The following DLG2 variants were observed in gnomAD, a reference collection of about 807,000 sequenced individuals.
The protein encoded by DLG2 is discs large MAGUK scaffold protein 2.
DLG2 carries 45 observed loss-of-function variants against 132.5 expected under a neutral mutation model. That is an observed-to-expected ratio of 0.34 (90% CI 0.27 to 0.44). The LOEUF (loss-of-function observed/expected upper bound fraction) is 0.44, where lower values mean the gene tolerates loss of function less well. Ranked by LOEUF, DLG2 falls within the 20% of genes least tolerant of loss-of-function variation. The pLI, the probability that DLG2 is intolerant of heterozygous loss-of-function variation, is 1.00. For synonymous variants in DLG2, 424 were observed against 419.6 expected, an observed-to-expected ratio of 1.01 and a Z score of -0.13; for missense variants, 1,045 against 1,196.9, an observed-to-expected ratio of 0.87 and a Z score of 1.87.
At chr11:83,873,005 CTTCA>C (rs1346379510) in intron 16 of DLG2, among the ~76,000 whole-genome samples, 1 of 152,046 alleles carries the variant, frequency 6.6e-6, no homozygotes, top group Non-Finnish European at 1.5e-5. Flanking sequence ...CATTCTAGTT[CTTCA>C]TTATTTTTTT....
At chr11:84,948,494 G>T (rs1266091759) in intron 6 of DLG2, among the ~76,000 whole-genome samples, 2 of 152,172 alleles carry the variant, frequency 1.3e-5, no homozygotes, top group African/African-American at 4.8e-5. Flanking sequence ...TCTTCAATTT[G>T]CTAATCTCAA....
chr11:85,420,416 G>C (rs1397418015), intron 3 of DLG2, among the ~76,000 whole-genome samples: 4 of 152,132 alleles, frequency 2.6e-5, no homozygotes, highest in Non-Finnish European at 4.4e-5. Context: ...GGGGGTCAGG[G>C]ACCCACTCGA....
At chr11:84,218,197 G>GGAAAGGAAGGAAGGAAGGAAA (rs898571899) in intron 8 of DLG2, among the ~76,000 whole-genome samples, 9 of 139,362 alleles carry the variant, frequency 6.5e-5, no homozygotes, top group Non-Finnish European at 1.2e-4. Flanking sequence ...AAACAAAGAA[G>GGAAAGGAAGGAAGGAAGGAAA]GAAAGGAAGG....
chr11:85,600,330 A>G (rs1565742676), intron 2 of DLG2, among the ~76,000 whole-genome samples: 1 of 152,226 alleles, frequency 6.6e-6, no homozygotes, highest in Admixed American at 6.5e-5. Flanking sequence ...TCAATTATCA[A>G]TCATTTCATT....
intron 3 of DLG2, among the ~76,000 whole-genome samples, chr11:85,368,932 G>C (rs2084761704): frequency 6.6e-6 from 1 of 152,186 alleles, no homozygotes; most frequent in African/African-American, 2.4e-5. Flanking sequence ...AAGCACTCTA[G>C]TGGAGGTACT....
intron 7 of DLG2, among the ~76,000 whole-genome samples, chr11:84,269,387 T>G (rs1002293655): frequency 2.0e-5 from 3 of 152,252 alleles, no homozygotes; most frequent in Admixed American, 6.5e-5. Flanking sequence ...TTTCCTCCAC[T>G]TGGAATGTCC....
At chr11:84,534,542 A>G in intron 7 of DLG2, 28 bp downstream of exon 7, 9 of 1,607,200 alleles carry the variant, frequency 5.6e-6, no homozygotes, top group South Asian at 1.1e-5. Context: ...GTCACCAACT[A>G]TAAAGTCGGA....
intron 3 of DLG2, among the ~76,000 whole-genome samples, chr11:85,330,791 T>TTAAAAAAAAAAAAAAAAAAAAAAA (rs1565332845): frequency 1.4e-5 from 1 of 69,096 alleles, no homozygotes. Flanking sequence ...AAAAAAAAAA[T>TTAAAAAAAAAAAAAAAAAAAAAAA]TAAAAAAAAA....
intron 20 of DLG2, among the ~76,000 whole-genome samples, chr11:83,534,225 C>G (rs910374052): frequency 6.6e-6 from 1 of 152,166 alleles, no homozygotes; most frequent in African/African-American, 2.4e-5. Context: ...ACTGCATATA[C>G]AGGGTTGTAT....
intron 3 of DLG2, among the ~76,000 whole-genome samples, chr11:85,299,884 T>C (rs2079479482): frequency 6.6e-6 from 1 of 152,204 alleles, no homozygotes; most frequent in South Asian, 2.1e-4. Context: ...AGTAGCTAAA[T>C]AGTGTTTTTT....
chr11:85,542,849 A>G (rs1179577956), intron 3 of DLG2, among the ~76,000 whole-genome samples: 2 of 152,374 alleles, frequency 1.3e-5, no homozygotes, highest in East Asian at 1.9e-4. Flanking sequence ...AGTCAATTAT[A>G]TCAATAAGAT....
intron 7 of DLG2, among the ~76,000 whole-genome samples, chr11:84,496,719 A>G (rs1447494929): frequency 6.6e-6 from 1 of 152,136 alleles, no homozygotes; most frequent in Non-Finnish European, 1.5e-5. Flanking sequence ...GTATTACATG[A>G]TTTCCAAAGC....
At chr11:84,890,765 T>A (rs1448990429) in intron 6 of DLG2, 1 of 152,292 alleles carries the variant, frequency 6.6e-6, no homozygotes, top group East Asian at 1.9e-4. Context: ...CTTTTCCATT[T>A]GGGCTGTGGC....
intron 6 of DLG2, among the ~76,000 whole-genome samples, chr11:84,839,094 C>G (rs2080230058): frequency 6.6e-6 from 1 of 151,998 alleles, no homozygotes; most frequent in Non-Finnish European, 1.5e-5. Flanking sequence ...TTAGAAAACC[C>G]CATCGTCTCA....
At chr11:85,263,323 G>T (rs1018326475) in intron 4 of DLG2, among the ~76,000 whole-genome samples, 1 of 152,212 alleles carries the variant, frequency 6.6e-6, no homozygotes, top group African/African-American at 2.4e-5. Context: ...TGGCTGGCTG[G>T]CTCTCTTCAT....
chr11:84,864,495 T>A (rs2084250675), intron 6 of DLG2, among the ~76,000 whole-genome samples: 1 of 152,188 alleles, frequency 6.6e-6, no homozygotes, highest in Admixed American at 6.5e-5. Flanking sequence ...ATTTCTCTTT[T>A]CTTTACTATC....
intron 3 of DLG2, among the ~76,000 whole-genome samples, chr11:85,348,831 C>G (rs1464448169): frequency 1.3e-5 from 2 of 152,088 alleles, no homozygotes; most frequent in Non-Finnish European, 2.9e-5. Context: ...CATCTCCATC[C>G]CCATTAGTAT....
At chr11:84,276,179 AT>A (rs1435176885) in intron 7 of DLG2, among the ~76,000 whole-genome samples, 1 of 152,206 alleles carries the variant, frequency 6.6e-6, no homozygotes, top group Non-Finnish European at 1.5e-5. Flanking sequence ...TTCAGTGAAA[AT>A]CTTCTTAAAC....
At chr11:85,557,295 G>T (rs534812593) in intron 3 of DLG2, among the ~76,000 whole-genome samples, 1 of 151,702 alleles carries the variant, frequency 6.6e-6, no homozygotes, top group African/African-American at 2.4e-5. Context: ...CACTGCTGAA[G>T]AAAATTACGG....
Sources: gnomAD v4.1 joint callset for allele counts (sites outside exome capture counted in the v4.1 genomes callset) on GRCh38, gnomAD v4.1.1 for gene constraint, MANE v1.5 for transcripts, NCBI Gene and HGNC (gene_info 2026-07-23, HGNC 2026-07-21) for gene names.